The following RAB38 variants were observed in gnomAD, a reference collection of about 807,000 sequenced individuals.
The protein encoded by RAB38 is RAB38, member RAS oncogene family, also known as ras-related protein Rab-38.
A neutral mutation model predicts 18.4 loss-of-function variants in RAB38; 15 were observed. The ratio of observed to expected loss-of-function variants is 0.82; its 90% CI spans 0.55 to 1.26. The LOEUF (loss-of-function observed/expected upper bound fraction) is 1.26. RAB38 is among the 50% of genes most tolerant of loss of function. RAB38 has a pLI of 0.00. For synonymous variants in RAB38, 101 were observed against 104.4 expected, an observed-to-expected ratio of 0.97 and a Z score of 0.20; for missense variants, 294 against 267.4, an observed-to-expected ratio of 1.10 and a Z score of -0.69.
At chr11:87,900,029 G>A in the RAB38 span, among the ~76,000 whole-genome samples, 1 of 151,242 alleles carries the variant, frequency 6.6e-6, no homozygotes, top group Non-Finnish European at 1.5e-5. Context: ...ATCTCTGAAC[G>A]AGACACTGAC....
At chr11:87,820,623 C>T in the RAB38 span, among the ~76,000 whole-genome samples, 584 of 152,204 alleles carry the variant, frequency 3.8e-3, 3 homozygotes, top group African/African-American at 0.013. Context: ...ATGCATGAAA[C>T]TCTAAGGAAA....
the RAB38 span, among the ~76,000 whole-genome samples, chr11:87,882,985 A>G: frequency 6.6e-6 from 1 of 151,908 alleles, no homozygotes; most frequent in African/African-American, 2.4e-5. Context: ...CAGAGGATTC[A>G]TTGAATTTTC....
intron 2 of RAB38, among the ~76,000 whole-genome samples, chr11:88,147,674 C>T (rs543134757): frequency 8.6e-5 from 13 of 151,946 alleles, no homozygotes; most frequent in African/African-American, 1.2e-4. Context: ...AGGCGGATCA[C>T]GAGGTCAGGA....
the RAB38 span, among the ~76,000 whole-genome samples, chr11:88,022,043 C>CA: frequency 1.3e-4 from 19 of 151,468 alleles, no homozygotes; most frequent in African/African-American, 4.4e-4. Flanking sequence ...AAAGACACAT[C>CA]AAAAAAAGAA....
chr11:87,976,887 A>G, the RAB38 span, among the ~76,000 whole-genome samples: 10 of 27,134 alleles, frequency 3.7e-4, no homozygotes, highest in East Asian at 5.9e-3. Context: ...ATAATGTATT[A>G]TATATTATAT....
At chr11:87,842,807 C>A in the RAB38 span, among the ~76,000 whole-genome samples, 2 of 68,944 alleles carry the variant, frequency 2.9e-5, no homozygotes, top group African/African-American at 1.4e-4. Context: ...CACACACACA[C>A]ACGCGCGCGC....
At chr11:88,124,717 C>G (rs1942672977) in intron 2 of RAB38, among the ~76,000 whole-genome samples, 1 of 152,144 alleles carries the variant, frequency 6.6e-6, no homozygotes, top group Non-Finnish European at 1.5e-5. Flanking sequence ...TAATTTTCTA[C>G]TTTCAGATAT....
the RAB38 span, among the ~76,000 whole-genome samples, chr11:87,972,746 C>G: frequency 1.1e-4 from 17 of 151,840 alleles, no homozygotes; most frequent in African/African-American, 4.1e-4. Flanking sequence ...AGTCAGAAAC[C>G]AAAATAAATA....
At chr11:87,860,864 A>G in the RAB38 span, among the ~76,000 whole-genome samples, 1 of 151,920 alleles carries the variant, frequency 6.6e-6, no homozygotes, top group East Asian at 1.9e-4. Context: ...GCTGTATGTT[A>G]TAATTTAAAG....
chr11:88,158,718 C>T (rs540597984), intron 1 of RAB38, among the ~76,000 whole-genome samples: 15 of 152,096 alleles, frequency 9.9e-5, no homozygotes, highest in African/African-American at 3.4e-4. Context: ...AATCCAACAT[C>T]CCTTCATAAT....
chr11:88,073,366 G>A, the RAB38 span, among the ~76,000 whole-genome samples: 1 of 152,092 alleles, frequency 6.6e-6, no homozygotes. Flanking sequence ...ACACTACTGG[G>A]TTATCCCCTT....
chr11:88,039,086 A>T, the RAB38 span, among the ~76,000 whole-genome samples: 1 of 152,190 alleles, frequency 6.6e-6, no homozygotes, highest in Non-Finnish European at 1.5e-5. Flanking sequence ...TGAATACTTG[A>T]GCTGAACCTT....
the RAB38 span, among the ~76,000 whole-genome samples, chr11:87,840,628 A>G: frequency 6.6e-6 from 1 of 152,182 alleles, no homozygotes; most frequent in Non-Finnish European, 1.5e-5. Context: ...AGTCTATTTT[A>G]AGAGTTTCTG....
the RAB38 span, among the ~76,000 whole-genome samples, chr11:88,069,733 GCA>G: frequency 6.6e-6 from 1 of 152,146 alleles, no homozygotes; most frequent in Non-Finnish European, 1.5e-5. Flanking sequence ...ACACCAATCA[GCA>G]CTCTGTGTCT....
At chr11:88,174,060 A>C in intron 1 of RAB38, 1 of 985,440 alleles carries the variant, frequency 1.0e-6, no homozygotes, top group Non-Finnish European at 1.2e-6. Flanking sequence ...ACAGACCATG[A>C]AATAAGACTG....
At chr11:87,898,024 TTTACC>T in the RAB38 span, among the ~76,000 whole-genome samples, 2 of 151,564 alleles carry the variant, frequency 1.3e-5, no homozygotes, top group Admixed American at 6.6e-5. Flanking sequence ...ATTGGAAGTC[TTTACC>T]TTATTTAATG....
the RAB38 span, among the ~76,000 whole-genome samples, chr11:87,931,424 T>G: frequency 1.3e-5 from 2 of 152,068 alleles, no homozygotes; most frequent in Non-Finnish European, 2.9e-5. Flanking sequence ...CCACTCAGGC[T>G]GATGCTTTGC....
chr11:88,025,649 A>G, the RAB38 span, among the ~76,000 whole-genome samples: 1 of 152,048 alleles, frequency 6.6e-6, no homozygotes, highest in South Asian at 2.1e-4. Context: ...TTTTTTTCAT[A>G]TGTATGTTGG....
At chr11:88,044,354 C>T in the RAB38 span, among the ~76,000 whole-genome samples, 4 of 152,234 alleles carry the variant, frequency 2.6e-5, no homozygotes, top group East Asian at 7.7e-4. Context: ...ACCCCCCAAC[C>T]CCTTCTCTCC....
Sources: gnomAD v4.1 joint callset for allele counts (sites outside exome capture counted in the v4.1 genomes callset) on GRCh38, gnomAD v4.1.1 for gene constraint, MANE v1.5 for transcripts, NCBI Gene and HGNC (gene_info 2026-07-23, HGNC 2026-07-21) for gene names.